SUMF1: variants seen among roughly 807,000 people sequenced by gnomAD.
The protein encoded by SUMF1 is sulfatase modifying factor 1.
In SUMF1, 48 loss-of-function variants were observed where a neutral mutation model predicts 47.6. The observed-to-expected ratio is 1.01, with a 90% CI of 0.80 to 1.28. The LOEUF (loss-of-function observed/expected upper bound fraction) is 1.28. SUMF1 is among the 50% of genes most tolerant of loss of function. SUMF1 has a pLI of 0.00. For synonymous variants in SUMF1, 230 were observed against 192.1 expected, an observed-to-expected ratio of 1.20 and a Z score of -1.63; for missense variants, 571 against 485.4, an observed-to-expected ratio of 1.18 and a Z score of -1.66.
At chr3:4,065,433 C>G (rs768503547) in intron 9 of SUMF1, among the ~76,000 whole-genome samples, 1 of 152,086 alleles carries the variant, frequency 6.6e-6, no homozygotes, top group Non-Finnish European at 1.5e-5. Context: ...TACTCCACTT[C>G]TAAGAAAAAC....
At chr3:4,393,252 C>T (rs1475443513) in intron 7 of SUMF1, among the ~76,000 whole-genome samples, 2 of 152,126 alleles carry the variant, frequency 1.3e-5, no homozygotes, top group Non-Finnish European at 2.9e-5. Context: ...GCTTTCAGTG[C>T]CCCCATCCTC....
At chr3:4,194,478 C>G (rs969812801) in intron 8 of SUMF1, among the ~76,000 whole-genome samples, 1 of 152,144 alleles carries the variant, frequency 6.6e-6, no homozygotes, top group African/African-American at 2.4e-5. Flanking sequence ...CAGGCAGGAG[C>G]CTGGAGAAAA....
Position 4,455,209 on chromosome 3 carries a change from G to A in SUMF1, c.271-2160C>T, listed in dbSNP as rs149653694. Among the ~76,000 whole-genome samples the A allele has an allele frequency of 6.2e-3, 943 of 152,166 alleles. 11 individuals are homozygous for A. Among genetic ancestry groups the A allele is most frequent in the African/African-American group, 0.021 (878 of 41,510 alleles). On this transcript the variant is annotated intron_variant, in intron 1 of 8. Coordinates refer to ENST00000272902, the MANE Select transcript of SUMF1 (RefSeq NM_182760.4). ...ATTAATAGACTCCTCAGCAGCTTAGGAATTGTCAAGTTCCTCATCTATAAA... is the reference window on the plus strand; with the variant it reads ...ATTAATAGACTCCTCAGCAGCTTAGAAATTGTCAAGTTCCTCATCTATAAA...
chr3:4,255,643 T>A (rs1575025753), intron 8 of SUMF1, among the ~76,000 whole-genome samples: 1 of 134,176 alleles, frequency 7.5e-6, no homozygotes, highest in Non-Finnish European at 1.6e-5. Context: ...CAAAGAGACT[T>A]AGACTACCAC....
At chr3:4,219,174 G>GA (rs1431516653) in intron 8 of SUMF1, among the ~76,000 whole-genome samples, 1 of 152,164 alleles carries the variant, frequency 6.6e-6, no homozygotes, top group Non-Finnish European at 1.5e-5. Context: ...TGGCAAAGAT[G>GA]AAAAGAAGAG....
rs1700538279 is a variant in SUMF1 at position 4,382,509 on chromosome 3, T to C, written c.955-6120A>G. Among the ~76,000 whole-genome samples the C allele has an allele frequency of 2.0e-5, 3 of 152,222 alleles. No homozygotes were observed. In the South Asian group the frequency reaches 6.2e-4, roughly 32 times the overall value. ...AATTCTTTTAAAAATAGATCATTTG[T>C]GGTGATTCCTCAATGATCTAGAACC... On this transcript the variant is annotated intron_variant, in intron 7 of 8. Transcript: ENST00000272902.
At chr3:4,312,051 G>A (rs558311185) in intron 8 of SUMF1, among the ~76,000 whole-genome samples, 1 of 152,174 alleles carries the variant, frequency 6.6e-6, no homozygotes, top group South Asian at 2.1e-4. Flanking sequence ...TTAAATGACA[G>A]ATTTTTTTCA....
chr3:4,455,970 T>C lies in SUMF1; in HGVS notation c.271-2921A>G, dbSNP rs143194427. On this transcript the variant is annotated intron_variant, in intron 1 of 8. Coordinates refer to ENST00000272902, the MANE Select transcript of SUMF1 (RefSeq NM_182760.4). Reference sequence around the variant, plus strand: ...CCCTAATGAACATAGATGCAAACATTCTAACAAAATACTAGCAAAGTGAAT... The same window carrying C: ...CCCTAATGAACATAGATGCAAACATCCTAACAAAATACTAGCAAAGTGAAT... Among the ~76,000 whole-genome samples the C allele has an allele frequency of 7.0e-3, 1,060 of 152,104 alleles. 4 individuals carry two copies. Among genetic ancestry groups the C allele is most frequent in the Middle Eastern group, 0.034 (10 of 294 alleles).
intron 8 of SUMF1, chr3:4,312,787 C>T: frequency 7.9e-7 from 1 of 1,262,940 alleles, no homozygotes; most frequent in East Asian, 2.4e-5. Flanking sequence ...ACAGTTTTGT[C>T]CTGTTTTTAT....
intron 8 of SUMF1, chr3:4,229,415 T>C (rs1471714108): frequency 2.9e-6 from 1 of 343,480 alleles, no homozygotes; most frequent in Non-Finnish European, 5.6e-6. Flanking sequence ...AGCCATGTCA[T>C]TTCTCCTAAG....
At chr3:4,385,949 G>C (rs1274140632) in intron 7 of SUMF1, among the ~76,000 whole-genome samples, 5 of 152,114 alleles carry the variant, frequency 3.3e-5, no homozygotes, top group African/African-American at 1.2e-4. Flanking sequence ...ATATATGTGT[G>C]GGCCTATTTC....
At chr3:4,382,179 T>C (rs918769201) in intron 7 of SUMF1, among the ~76,000 whole-genome samples, 1 of 152,152 alleles carries the variant, frequency 6.6e-6, no homozygotes, top group African/African-American at 2.4e-5. Flanking sequence ...AGACTGACAA[T>C]GCCTACTTAA....
At chr3:4,325,367 G>A (rs981502449) in intron 8 of SUMF1, among the ~76,000 whole-genome samples, 2 of 151,874 alleles carry the variant, frequency 1.3e-5, no homozygotes, top group Non-Finnish European at 2.9e-5. Context: ...AAGATAGGGG[G>A]AGAAAGGAAG....
intron 8 of SUMF1, among the ~76,000 whole-genome samples, chr3:4,166,033 G>C (rs1398231780): frequency 1.3e-5 from 2 of 152,076 alleles, no homozygotes; most frequent in Non-Finnish European, 2.9e-5. Context: ...AGAAATGCTA[G>C]TTTTCCTCCT....
At chr3:4,141,505 G>C (rs567411661) in intron 8 of SUMF1, among the ~76,000 whole-genome samples, 2 of 152,048 alleles carry the variant, frequency 1.3e-5, no homozygotes, top group Admixed American at 6.5e-5. Flanking sequence ...ATTCATCAAG[G>C]GTCATTTAAA....
chr3:4,169,380 A>T (rs981346203), intron 8 of SUMF1, among the ~76,000 whole-genome samples: 2 of 152,182 alleles, frequency 1.3e-5, no homozygotes, highest in Non-Finnish European at 2.9e-5. Flanking sequence ...TCTTTATAAA[A>T]AGGGGAAATT....
At chr3:4,403,160 T>G (rs1187362471) in intron 7 of SUMF1, among the ~76,000 whole-genome samples, 1 of 152,194 alleles carries the variant, frequency 6.6e-6, no homozygotes, top group Non-Finnish European at 1.5e-5. Flanking sequence ...AGTAGAAATC[T>G]TCATCCCCAT....
intron 8 of SUMF1, among the ~76,000 whole-genome samples, chr3:4,286,810 G>C (rs1697641882): frequency 6.6e-6 from 1 of 152,078 alleles, no homozygotes; most frequent in Admixed American, 6.6e-5. Context: ...ATGTACTATA[G>C]ATAAAAATTA....
At chr3:4,062,994 G>C (rs1473848029) in intron 9 of SUMF1, among the ~76,000 whole-genome samples, 1 of 152,134 alleles carries the variant, frequency 6.6e-6, no homozygotes, top group Non-Finnish European at 1.5e-5. Flanking sequence ...TGGAAGGAAA[G>C]ATGTCCTGAT....
Sources: gnomAD v4.1 joint callset for allele counts (sites outside exome capture counted in the v4.1 genomes callset) on GRCh38, gnomAD v4.1.1 for gene constraint, MANE v1.5 for transcripts, NCBI Gene and HGNC (gene_info 2026-07-23, HGNC 2026-07-21) for gene names.